Variants in MYH13 observed in about 807,000 individuals in gnomAD.
MYH13 encodes the protein myosin-13.
In MYH13, 177 loss-of-function variants were observed where a neutral mutation model predicts 232.1. The ratio of observed to expected loss-of-function variants is 0.76; its 90% CI spans 0.67 to 0.86. The LOEUF (loss-of-function observed/expected upper bound fraction) is 0.86. Among genes scored for constraint, MYH13 ranks in the 40% least tolerant of loss-of-function variants. The probability of loss-of-function intolerance (pLI) is 0.00; values close to 1 mark genes in which losing one functional copy is unlikely to be tolerated. For synonymous variants in MYH13, 884 were observed against 923.5 expected, an observed-to-expected ratio of 0.96 and a Z score of 0.78; for missense variants, 2,246 against 2,405.9, an observed-to-expected ratio of 0.93 and a Z score of 1.39.
chr17:10,338,835 G>T (rs2071597688), intron 18 of MYH13, among the ~76,000 whole-genome samples: 1 of 151,950 alleles, frequency 6.6e-6, no homozygotes, highest in Non-Finnish European at 1.5e-5. Flanking sequence ...CGAATAGCTG[G>T]GACTACAGGC....
chr17:10,328,223 G>C (rs922572640), intron 21 of MYH13, 102 bp from the exon 22 acceptor site: 2 of 1,406,852 alleles, frequency 1.4e-6, no homozygotes, highest in African/African-American at 2.9e-5. Context: ...TTCTCGGTTA[G>C]GTGGGAAGGA....
At position 10,306,698 on chromosome 17, in the gene MYH13, C is replaced by A. The variant is rs1158989586; in HGVS notation, c.5296-69G>T. The A allele has an allele frequency of 1.3e-6, 2 of 1,594,934 alleles. No homozygotes were observed. Among genetic ancestry groups the A allele is most frequent in the Admixed American group, 3.4e-5 (2 of 58,424 alleles). Reference sequence around the variant, plus strand: ...CCCTACCCAGAGCTTGCAGAAGAGGCGAAGGCTGGGATCATGGTGCTGAGC... The same window carrying A: ...CCCTACCCAGAGCTTGCAGAAGAGGAGAAGGCTGGGATCATGGTGCTGAGC... On this transcript the variant is annotated intron_variant, in intron 36 of 40. Coordinates refer to ENST00000252172, the MANE Select transcript of MYH13 (RefSeq NM_003802.3). This position sits in a 1 kb window ranked among gnomAD's most constrained non-coding sequence, Gnocchi z 4.3.
chr17:10,347,753 A>G (rs1045011009), intron 12 of MYH13, among the ~76,000 whole-genome samples: 3 of 120,758 alleles, frequency 2.5e-5, no homozygotes, highest in East Asian at 5.5e-4. Context: ...GAGTTTCTCA[A>G]TGTTGCCCAG....
Position 10,320,514 on chromosome 17 carries a change from T to C in MYH13, c.3112-18A>G. On this transcript the variant is annotated intron_variant, in intron 24 of 40. Coordinates refer to ENST00000252172, the MANE Select transcript of MYH13 (RefSeq NM_003802.3). The stretch of plus-strand genomic sequence containing the variant: ...CCCTCAAGCTGAGAAGACACACAGG[T>C]AGAAAATTAAGCCCCTGCTGGGGAA... 6.2e-7 allele frequency: 1 copy of C among 1,607,318 alleles called. No individual in the cohort carries two copies. The highest frequency in any genetic ancestry group is 8.5e-7 in the Non-Finnish European group (1 of 1,177,196).
In MYH13 at chr17:10,304,164, G is replaced by A. The variant is rs1906198405; in HGVS notation, c.5467-666C>T. On this transcript the variant is annotated intron_variant, in intron 37 of 40. Coordinates refer to ENST00000252172, the MANE Select transcript of MYH13 (RefSeq NM_003802.3). This position sits in a 1 kb window ranked among gnomAD's most constrained non-coding sequence, Gnocchi z 5.3. ...GATAGCATTAGGAGTAATACCTAAT[G>A]TAAATGATGGGTTGATGGGTGCAGC... 6.6e-6 allele frequency among the ~76,000 whole-genome samples: 1 copy of A among 152,220 alleles called. No individual in the cohort carries two copies. The highest frequency in any genetic ancestry group is 2.4e-5 in the African/African-American group (1 of 41,450).
intron 13 of MYH13, 32 bp from the exon 14 acceptor site, chr17:10,345,648 G>A: frequency 6.2e-7 from 1 of 1,614,132 alleles, no homozygotes; most frequent in Non-Finnish European, 8.5e-7. Flanking sequence ...CAACCCTTGA[G>A]TTAGTGTTTC....
rs1268534440 is a variant in MYH13, at chr17:10,321,680, G to T, written c.2963C>A (p.Ala988Glu). The change falls in exon 24 of 41, where the codon GCA (alanine) becomes GAA (glutamate). Residue 988 changes from alanine to glutamate, a missense_variant. Ala to Glu is a moderately radical substitution (Grantham distance 107). Coordinates refer to ENST00000252172, the MANE Select transcript of MYH13 (RefSeq NM_003802.3). ...KVKNLSEEMTALEENISKLTK... is the reference protein window; with the variant it reads ...KVKNLSEEMTELEENISKLTK... ...CAATTTGGAAATGTTTTCTTCAAGT[G>T]CTGTCATTTCTTCGGAAAGATTCTT... The T allele has an allele frequency of 6.2e-7, 1 of 1,613,238 alleles. No homozygotes were observed. The highest frequency in any genetic ancestry group is 2.2e-5 in the East Asian group (1 of 44,872).
At chr17:10,347,502 C>T (rs563587910) in intron 12 of MYH13, among the ~76,000 whole-genome samples, 93 of 152,248 alleles carry the variant, frequency 6.1e-4, no homozygotes, top group African/African-American at 2.1e-3. Context: ...AAGTACCATG[C>T]TCATAGTTGA....
intron 9 of MYH13, 26 bp downstream of exon 9, chr17:10,355,058 C>G (rs1019839107): frequency 1.9e-6 from 3 of 1,608,600 alleles, no homozygotes; most frequent in Non-Finnish European, 2.5e-6. Context: ...AAAACACCAA[C>G]GGATTTATAG....
At chr17:10,355,485 A>C (rs574170624) in intron 8 of MYH13, among the ~76,000 whole-genome samples, 1 of 152,318 alleles carries the variant, frequency 6.6e-6, no homozygotes. Flanking sequence ...CAAACAAATA[A>C]ATGGCATGCT....
intron 1 of MYH13, among the ~76,000 whole-genome samples, chr17:10,372,351 A>G (rs948639047): frequency 3.9e-5 from 6 of 152,206 alleles, no homozygotes; most frequent in Non-Finnish European, 8.8e-5. Flanking sequence ...CTATGAGTCT[A>G]TAACAGACAG....
intron 27 of MYH13, among the ~76,000 whole-genome samples, chr17:10,316,393 G>A (rs1349763449): frequency 2.0e-5 from 3 of 152,046 alleles, no homozygotes; most frequent in African/African-American, 4.8e-5. Context: ...CTCGGGAGGC[G>A]GAGGTTGCAG....
rs777289023 is a variant in MYH13, at chr17:10,318,934, C to A, written c.3594G>T (p.Lys1198Asn). The stretch of plus-strand genomic sequence containing the variant: ...GCTCGGCCACACTATCTGCTTGCTT[C>A]TTCCTCAGGGTGGCTGCTGTGGCTT... ...QHEATAATLR[K>N]KQADSVAELG... Residue 1198 changes from lysine (K) to asparagine (N), a missense_variant, in exon 27 of 41, where the codon AAG becomes AAT. Transcript: ENST00000252172. The A allele has an allele frequency of 5.0e-6, 8 of 1,614,074 alleles. No individual in the cohort carries two copies. The highest frequency in any genetic ancestry group is 1.6e-4 in the Middle Eastern group (1 of 6,084).
chr17:10,366,526 G>A (rs145716519), intron 2 of MYH13, among the ~76,000 whole-genome samples: 13 of 151,612 alleles, frequency 8.6e-5, no homozygotes, highest in East Asian at 1.9e-4. Flanking sequence ...GATTACAGGC[G>A]CCCACCACCA....
chr17:10,309,766 G>T lies in MYH13; in HGVS notation c.4721C>A (p.Ser1574Tyr). The T allele has an allele frequency of 6.2e-7, 1 of 1,601,050 alleles. No homozygotes were observed. Among genetic ancestry groups the T allele is most frequent in the Admixed American group, 1.7e-5 (1 of 58,166 alleles). ...CTCAATGACCTTGCGGTCTAGCTCGGATTTCACCTGGCTCAGCTCTAGCTG... is the reference window on the plus strand; with the variant it reads ...CTCAATGACCTTGCGGTCTAGCTCGTATTTCACCTGGCTCAGCTCTAGCTG... Reference protein sequence around the residue: ...RVQLELSQVKSELDRKVIEKD... With the variant: ...RVQLELSQVKYELDRKVIEKD... Residue 1574 changes from serine to tyrosine, a missense_variant, in exon 34 of 41, where the codon TCC (serine) becomes TAC (tyrosine). Ser to Tyr is a moderately radical substitution (Grantham distance 144, BLOSUM62 -2). Coordinates refer to ENST00000252172, the MANE Select transcript of MYH13 (RefSeq NM_003802.3).
intron 16 of MYH13, chr17:10,341,317 G>T (rs2071618013): frequency 6.6e-6 from 1 of 151,052 alleles, no homozygotes; most frequent in Non-Finnish European, 1.5e-5. Flanking sequence ...CTCTCAAAGT[G>T]CTGGGATTAC....
intron 16 of MYH13, 125 bp downstream of exon 16, chr17:10,343,675 G>A (rs531842668): frequency 8.9e-7 from 1 of 1,118,938 alleles, no homozygotes; most frequent in South Asian, 1.8e-5. Flanking sequence ...GAAAAATGGA[G>A]CTGAAAGAGA....
Position 10,321,318 on chromosome 17 carries a change from C to T in MYH13, c.3111+214G>A, listed in dbSNP as rs141389479. Among the ~76,000 whole-genome samples, 94 of 152,246 alleles carry T rather than the reference C, an allele frequency of 6.2e-4. 1 individual carries two copies. The East Asian group carries it at 0.016, about 25-fold the overall frequency. ...CCCTCTGAGATGGAGCTATTTACATCGCCATTTCACAAGGCACAAACTGAG... is the reference window on the plus strand; with the variant it reads ...CCCTCTGAGATGGAGCTATTTACATTGCCATTTCACAAGGCACAAACTGAG... On this transcript the variant is annotated intron_variant, in intron 24 of 40. Transcript: ENST00000252172.
At chr17:10,351,692 C>G (rs2142265573) in intron 11 of MYH13, among the ~76,000 whole-genome samples, 1 of 152,246 alleles carries the variant, frequency 6.6e-6, no homozygotes, top group South Asian at 2.1e-4. Flanking sequence ...GGAGTTAGGT[C>G]TTGGTCCCTT....
Sources: gnomAD v4.1 joint callset for allele counts (sites outside exome capture counted in the v4.1 genomes callset) on GRCh38, gnomAD v4.1.1 for gene constraint, Gnocchi (gnomAD v3.1) non-coding constraint, MANE v1.5 for transcripts, NCBI Gene and HGNC (gene_info 2026-07-23, HGNC 2026-07-21) for gene names.